Variants in GPC5 observed in about 807,000 individuals in gnomAD.
GPC5 encodes glypican-5.
GPC5 carries 47 observed loss-of-function variants against 53.9 expected under a neutral mutation model. The observed-to-expected ratio is 0.87, with a 90% confidence interval of 0.69 to 1.11. GPC5 has a LOEUF of 1.11. Ranked by LOEUF, GPC5 falls within the 50% of genes most tolerant of loss-of-function variation. GPC5 has a pLI of 0.00. For missense variants in GPC5, 748 were observed against 713.1 expected, an observed-to-expected ratio of 1.05 and a Z score of -0.56; for synonymous variants, 286 against 263.3, an observed-to-expected ratio of 1.09 and a Z score of -0.84.
rs2036627055 is a variant in GPC5 at position 91,728,609 on chromosome 13, G to A, written c.1098G>A (p.Lys366=). The A allele has an allele frequency of 1.2e-6, 2 of 1,613,444 alleles. No homozygotes were observed. The highest frequency in any genetic ancestry group is 2.2e-5 in the East Asian group (1 of 44,848). The change falls in exon 4 of 8, where the codon AAG becomes AAA. Residue 366 remains lysine (K), a synonymous_variant. Transcript: ENST00000377067. ...GTTCTTTTGATCAGAGCAAAGAGAA[G>A]CATGGAATGAAGACCACCACAAGGA... ...PRCSFDQSKE[K]HGMKTTTRNS...
intron 7 of GPC5, among the ~76,000 whole-genome samples, chr13:92,472,064 G>A (rs1254869620): frequency 6.6e-6 from 1 of 151,778 alleles, no homozygotes; most frequent in Admixed American, 6.6e-5. Context: ...GCAAATGAAG[G>A]TACATGTATG....
At chr13:92,462,282 A>G (rs1878518756) in intron 7 of GPC5, among the ~76,000 whole-genome samples, 1 of 152,152 alleles carries the variant, frequency 6.6e-6, no homozygotes, top group African/African-American at 2.4e-5. Flanking sequence ...AGTTTGTAAC[A>G]TACAAGGTGA....
At chr13:91,409,885 C>T (rs1013205374) in intron 1 of GPC5, among the ~76,000 whole-genome samples, 5 of 152,150 alleles carry the variant, frequency 3.3e-5, no homozygotes, top group Non-Finnish European at 5.9e-5. Context: ...TAGAAGTTCC[C>T]AGTGTCTGTG....
chr13:91,627,869 A>AT (rs2034049061), intron 2 of GPC5, among the ~76,000 whole-genome samples: 1 of 152,154 alleles, frequency 6.6e-6, no homozygotes, highest in Non-Finnish European at 1.5e-5. Flanking sequence ...ATATCAATGT[A>AT]TTACATAATT....
rs116036410 is a variant in GPC5 at position 92,171,174 on chromosome 13, A to G, written c.1561+26185A>G. 4.4e-3 allele frequency among the ~76,000 whole-genome samples: 676 copies of G among 152,106 alleles called. 8 individuals are homozygous for G. Among genetic ancestry groups the G allele is most frequent in the African/African-American group, 0.015 (603 of 41,492 alleles). ...CTTCCTCTTTTCCTTTTGCTGGGTAATAGCAGTGCCCTACCTCCTGTCAAG... is the reference window on the plus strand; with the variant it reads ...CTTCCTCTTTTCCTTTTGCTGGGTAGTAGCAGTGCCCTACCTCCTGTCAAG... On this transcript the variant is annotated intron_variant, in intron 7 of 7. Coordinates refer to ENST00000377067, the MANE Select transcript of GPC5 (RefSeq NM_004466.6).
At chr13:92,172,931 A>C (rs886460500) in intron 7 of GPC5, among the ~76,000 whole-genome samples, 1 of 149,460 alleles carries the variant, frequency 6.7e-6, no homozygotes, top group Admixed American at 6.8e-5. Flanking sequence ...TAATTAAAAA[A>C]TTTAGGCAAT....
chr13:91,639,146 C>T (rs2034356973), intron 2 of GPC5, among the ~76,000 whole-genome samples: 1 of 152,098 alleles, frequency 6.6e-6, no homozygotes, highest in Non-Finnish European at 1.5e-5. Flanking sequence ...GATTCTTCCC[C>T]AGCACAGGTG....
intron 7 of GPC5, among the ~76,000 whole-genome samples, chr13:92,508,106 G>C (rs1183061453): frequency 1.3e-5 from 2 of 152,040 alleles, no homozygotes; most frequent in Non-Finnish European, 2.9e-5. Flanking sequence ...TGGGACTACA[G>C]GTGCACACCA....
intron 7 of GPC5, among the ~76,000 whole-genome samples, chr13:92,443,718 G>A (rs551337405): frequency 5.9e-5 from 9 of 152,302 alleles, no homozygotes; most frequent in Non-Finnish European, 1.2e-4. Context: ...GCAGCGGTAT[G>A]TAGAACATGT....
At chr13:91,970,999 T>C (rs1354285284) in intron 6 of GPC5, among the ~76,000 whole-genome samples, 3 of 152,184 alleles carry the variant, frequency 2.0e-5, no homozygotes, top group Non-Finnish European at 4.4e-5. Flanking sequence ...TTAGGAAGGA[T>C]TCCCTCTTTT....
At chr13:91,606,579 T>G (rs1355213663) in intron 2 of GPC5, among the ~76,000 whole-genome samples, 1 of 149,190 alleles carries the variant, frequency 6.7e-6, no homozygotes, top group Non-Finnish European at 1.5e-5. Flanking sequence ...TGAATCCATC[T>G]GGTCCTGGAC....
chr13:91,807,259 TAG>T (rs2038236798), intron 5 of GPC5, among the ~76,000 whole-genome samples: 1 of 152,142 alleles, frequency 6.6e-6, no homozygotes, highest in Non-Finnish European at 1.5e-5. Flanking sequence ...AATATGTAAA[TAG>T]AGTTATAATC....
intron 7 of GPC5, among the ~76,000 whole-genome samples, chr13:92,382,918 G>C (rs2043761496): frequency 6.7e-6 from 1 of 150,144 alleles, no homozygotes; most frequent in Admixed American, 6.7e-5. Context: ...CAGGAGAATA[G>C]CGCGAACCCG....
chr13:92,439,355 G>T (rs1439449813), intron 7 of GPC5, among the ~76,000 whole-genome samples: 2 of 152,140 alleles, frequency 1.3e-5, no homozygotes, highest in African/African-American at 4.8e-5. Flanking sequence ...AGTGATAAGG[G>T]ACTCAGTGAC....
intron 2 of GPC5, among the ~76,000 whole-genome samples, chr13:91,457,614 C>T (rs781200564): frequency 2.6e-5 from 4 of 151,896 alleles, no homozygotes; most frequent in African/African-American, 7.3e-5. Context: ...AATGGAAGTG[C>T]GTATGTAGTT....
intron 7 of GPC5, among the ~76,000 whole-genome samples, chr13:92,291,109 G>T (rs1056578432): frequency 6.6e-6 from 1 of 152,142 alleles, no homozygotes; most frequent in Non-Finnish European, 1.5e-5. Flanking sequence ...CCTGCAGCCC[G>T]CCATGCCTGA....
intron 6 of GPC5, among the ~76,000 whole-genome samples, chr13:91,953,588 G>T (rs2040046802): frequency 6.6e-6 from 1 of 152,300 alleles, no homozygotes; most frequent in East Asian, 1.9e-4. Flanking sequence ...TAATAGGATT[G>T]CCCTAGTTCA....
At chr13:92,803,600 T>G (rs1876987516) in intron 7 of GPC5, among the ~76,000 whole-genome samples, 1 of 151,922 alleles carries the variant, frequency 6.6e-6, no homozygotes, top group Non-Finnish European at 1.5e-5. Context: ...TATTAACAGC[T>G]TCATCTTCAC....
chr13:92,847,919 G>T (rs1878665541), intron 7 of GPC5, among the ~76,000 whole-genome samples: 1 of 152,142 alleles, frequency 6.6e-6, no homozygotes, highest in Admixed American at 6.6e-5. Flanking sequence ...TTTGATAATA[G>T]AGATGATTAT....
Sources: allele counts gnomAD v4.1 joint callset (sites outside exome capture counted in the v4.1 genomes callset), GRCh38; gene constraint gnomAD v4.1.1; transcripts MANE v1.5; gene names NCBI Gene and HGNC (gene_info 2026-07-23, HGNC 2026-07-21).